Variants in COL4A4 observed in about 807,000 individuals in gnomAD.
COL4A4 encodes the protein collagen type IV alpha 4 chain, also known as collagen alpha-4(IV) chain.
A neutral mutation model predicts 192.9 loss-of-function variants in COL4A4; 105 were observed. The ratio of observed to expected loss-of-function variants is 0.54; its 90% CI spans 0.46 to 0.64. COL4A4 has a LOEUF of 0.64. COL4A4 is among the 30% of genes least tolerant of loss of function. The pLI is 0.00. For missense variants in COL4A4, 1,967 were observed against 2,169.3 expected, an observed-to-expected ratio of 0.91 and a Z score of 1.85; for synonymous variants, 762 against 769.9, an observed-to-expected ratio of 0.99 and a Z score of 0.17.
At chr2:227,069,868 T>G (rs1389692947) in intron 25 of COL4A4, among the ~76,000 whole-genome samples, 1 of 151,264 alleles carries the variant, frequency 6.6e-6, no homozygotes, top group South Asian at 2.1e-4. Flanking sequence ...AATTGACAAA[T>G]GGGATCTAAT....
chr2:227,080,189 G>A (rs1038436639), intron 24 of COL4A4, among the ~76,000 whole-genome samples: 28 of 152,136 alleles, frequency 1.8e-4, no homozygotes, highest in African/African-American at 6.3e-4. Flanking sequence ...TGAACACCAC[G>A]AGAATGATAT....
Position 227,072,845 on chromosome 2 carries a change from A to T in COL4A4, c.1987+5049T>A, listed in dbSNP as rs184577516. ...GAAAAAGCATTCGACAAAATCCAGC[A>T]TTCCTTTATGACAAAAAATCTCAAC... On this transcript the variant is annotated intron_variant, in intron 25 of 47. Transcript: ENST00000396625. Among the ~76,000 whole-genome samples the T allele has an allele frequency of 1.9e-3, 286 of 152,182 alleles. 1 individual carries two copies. The highest frequency in any genetic ancestry group is 5.9e-3 in the African/African-American group (247 of 41,536).
downstream of COL4A4, among the ~76,000 whole-genome samples, chr2:227,000,251 T>C (rs1960590797): frequency 6.6e-6 from 1 of 152,234 alleles, no homozygotes; most frequent in Non-Finnish European, 1.5e-5. Flanking sequence ...TTCTACAGAT[T>C]CAGACTCCTG....
At chr2:227,009,365 G>A (rs1414125710) in intron 46 of COL4A4, among the ~76,000 whole-genome samples, 1 of 152,156 alleles carries the variant, frequency 6.6e-6, no homozygotes, top group Non-Finnish European at 1.5e-5. Context: ...AGGTACTTAA[G>A]CCTTTGACTT....
the COL4A4 span, among the ~76,000 whole-genome samples, chr2:226,967,420 C>T: frequency 6.6e-6 from 1 of 151,796 alleles, no homozygotes; most frequent in Admixed American, 6.6e-5. Flanking sequence ...TTTTAGGGTA[C>T]ATGTGCACAA....
At chr2:227,103,228 A>C (rs750714239) in intron 13 of COL4A4, 31 bp from the exon 14 acceptor site, 1 of 1,534,952 alleles carries the variant, frequency 6.5e-7, no homozygotes, top group Non-Finnish European at 9.0e-7. Flanking sequence ...AATTTGGTCT[A>C]TTCTTATTAT....
At chr2:227,103,632 A>G (rs1409364310) in intron 13 of COL4A4, among the ~76,000 whole-genome samples, 1 of 152,238 alleles carries the variant, frequency 6.6e-6, no homozygotes, top group African/African-American at 2.4e-5. Flanking sequence ...TCAATTATCA[A>G]GACATCAAAC....
At position 227,076,975 on chromosome 2, in the gene COL4A4, A is replaced by G. The variant is rs747227477; in HGVS notation, c.1987+919T>C. ...CGGCAGTTAGAGTAGAGATTATTAA[A>G]AAGTCAGGAAACAACAGATGCTGGA... On this transcript the variant is annotated intron_variant, in intron 25 of 47. Coordinates refer to ENST00000396625, the MANE Select transcript of COL4A4 (RefSeq NM_000092.5). 6.1e-4 allele frequency among the ~76,000 whole-genome samples: 93 copies of G among 152,206 alleles called. 1 individual carries two copies. Among genetic ancestry groups the G allele is most frequent in the Admixed American group, 3.1e-3 (47 of 15,288 alleles).
At chr2:227,060,943 G>C (rs1976839242) in intron 26 of COL4A4, among the ~76,000 whole-genome samples, 1 of 152,090 alleles carries the variant, frequency 6.6e-6, no homozygotes, top group African/African-American at 2.4e-5. Context: ...TAGCCAGGAT[G>C]GTCTCATCTC....
At chr2:226,979,830 A>G in the COL4A4 span, among the ~76,000 whole-genome samples, 2 of 152,340 alleles carry the variant, frequency 1.3e-5, no homozygotes, top group East Asian at 1.9e-4. Context: ...TCACACCTAC[A>G]TTAACCATCA....
At chr2:226,975,467 G>A in the COL4A4 span, among the ~76,000 whole-genome samples, 13 of 152,236 alleles carry the variant, frequency 8.5e-5, no homozygotes, top group African/African-American at 3.1e-4. Context: ...ACTCCTAGAG[G>A]GAGCAACTTC....
rs563575857 is a variant in COL4A4, at chr2:227,064,502, G to A, written c.1988-1904C>T. ...GGAAAACTTCCATGGCCTGGCTACA[G>A]ATCTAGATATCCAAAGCCAAGAAGC... On this transcript the variant is annotated intron_variant, in intron 25 of 47. Transcript: ENST00000396625. 7.0e-4 allele frequency among the ~76,000 whole-genome samples: 107 copies of A among 152,312 alleles called. 2 individuals carry two copies. The highest frequency in any genetic ancestry group is 7.0e-3 in the Admixed American group (107 of 15,298).
At chr2:227,125,125 A>G (rs2062010108) in intron 4 of COL4A4, among the ~76,000 whole-genome samples, 1 of 152,158 alleles carries the variant, frequency 6.6e-6, no homozygotes, top group East Asian at 1.9e-4. Context: ...AATATTTAAC[A>G]CAACAGTTAA....
chr2:226,979,076 A>T, the COL4A4 span, among the ~76,000 whole-genome samples: 1 of 152,164 alleles, frequency 6.6e-6, no homozygotes, highest in Admixed American at 6.5e-5. Context: ...GGGGAAAGAA[A>T]GAAGCTATTC....
rs961325864 is a variant in COL4A4 at position 227,108,448 on chromosome 2, A to T, written c.735+133T>A. On this transcript the variant is annotated intron_variant, in intron 12 of 47. Coordinates refer to ENST00000396625, the MANE Select transcript of COL4A4 (RefSeq NM_000092.5). The stretch of plus-strand genomic sequence containing the variant: ...TAATGGTGCCATAATAATTCGGCAA[A>T]GAAAAGTTCTCAGCCATAAAATTGG... 1.2e-5 allele frequency: 10 copies of T among 856,266 alleles called. No individual in the cohort carries two copies. The African/African-American group carries it at 1.5e-4, about 13-fold the overall frequency. The allele number at this position is 856,266 out of a possible 1,614,324, so 53.0% of individuals were successfully genotyped here. A position where few individuals can be genotyped will look rare whatever the true frequency, so the allele number is the denominator to read the frequency against.
intron 8 of COL4A4, among the ~76,000 whole-genome samples, chr2:227,114,275 T>TAGAGGCC (rs2061372062): frequency 6.6e-6 from 1 of 152,156 alleles, no homozygotes; most frequent in Non-Finnish European, 1.5e-5. Flanking sequence ...GTCTAATGAG[T>TAGAGGCC]AGAGGCCAGA....
the COL4A4 span, among the ~76,000 whole-genome samples, chr2:226,991,366 G>A: frequency 6.6e-6 from 1 of 152,126 alleles, no homozygotes; most frequent in African/African-American, 2.4e-5. Flanking sequence ...ATTTTTAGTA[G>A]AGTCGGGGTT....
chr2:227,155,947 T>C (rs573626546), intron 1 of COL4A4, among the ~76,000 whole-genome samples: 2 of 152,300 alleles, frequency 1.3e-5, no homozygotes, highest in East Asian at 1.9e-4. Flanking sequence ...TTTCTCAGTG[T>C]GTAAATTAAT....
At chr2:227,103,265 A>G (rs2060627172) in intron 13 of COL4A4, 68 bp from the exon 14 acceptor site, 1 of 1,203,920 alleles carries the variant, frequency 8.3e-7, no homozygotes, top group African/African-American at 1.5e-5. Flanking sequence ...CATCTCCTTC[A>G]GAAATCATCT....
Sources: gnomAD v4.1 joint callset for allele counts (sites outside exome capture counted in the v4.1 genomes callset) on GRCh38, gnomAD v4.1.1 for gene constraint, MANE v1.5 for transcripts, NCBI Gene and HGNC (gene_info 2026-07-23, HGNC 2026-07-21) for gene names.